Variants in TMCC1 observed in about 807,000 individuals in gnomAD.
The protein encoded by TMCC1 is transmembrane and coiled-coil domain family 1.
In TMCC1, 15 loss-of-function variants were observed where a neutral mutation model predicts 52.4. The ratio of observed to expected loss-of-function variants is 0.29; its 90% CI spans 0.19 to 0.44. The LOEUF is 0.44. Among genes scored for constraint, TMCC1 ranks in the 20% least tolerant of loss-of-function variants. The probability of loss-of-function intolerance (pLI) is 1.00; values close to 1 mark genes in which losing one functional copy is unlikely to be tolerated. For missense variants in TMCC1, 503 were observed against 806.0 expected, an observed-to-expected ratio of 0.62 and a Z score of 4.55; for synonymous variants, 279 against 301.9, an observed-to-expected ratio of 0.92 and a Z score of 0.79.
At chr3:129,792,147 G>A (rs1024237689) in intron 4 of TMCC1, among the ~76,000 whole-genome samples, 6 of 149,688 alleles carry the variant, frequency 4.0e-5, no homozygotes, top group Non-Finnish European at 8.9e-5. Flanking sequence ...TACTGAAGTC[G>A]GAAACATCTG....
At chr3:129,653,496 T>G (rs1408666722) in intron 6 of TMCC1, among the ~76,000 whole-genome samples, 5 of 152,226 alleles carry the variant, frequency 3.3e-5, no homozygotes, top group African/African-American at 7.2e-5. Flanking sequence ...CAGGCTAGAG[T>G]GCAGCGGCGC....
chr3:129,767,688 A>G (rs975668891), intron 4 of TMCC1, among the ~76,000 whole-genome samples: 5 of 152,152 alleles, frequency 3.3e-5, no homozygotes, highest in Non-Finnish European at 1.5e-5. Flanking sequence ...ACAACCAATA[A>G]TCTACTTTCT....
intron 4 of TMCC1, among the ~76,000 whole-genome samples, chr3:129,756,319 G>T (rs1288262296): frequency 6.6e-6 from 1 of 152,116 alleles, no homozygotes; most frequent in African/African-American, 2.4e-5. Flanking sequence ...ATAGGTAACT[G>T]AACTGTAATT....
chr3:129,879,560 T>G (rs2061371917), intron 2 of TMCC1, among the ~76,000 whole-genome samples: 3 of 152,248 alleles, frequency 2.0e-5, no homozygotes, highest in Admixed American at 2.0e-4. Flanking sequence ...CATGCAAATT[T>G]TCTTATCTGA....
At chr3:129,877,207 A>C (rs1259499047) in intron 2 of TMCC1, among the ~76,000 whole-genome samples, 1 of 152,174 alleles carries the variant, frequency 6.6e-6, no homozygotes, top group Non-Finnish European at 1.5e-5. Flanking sequence ...CGCTCCACTA[A>C]AACTACCCTT....
At chr3:129,658,687 A>G (rs1386453727) in intron 5 of TMCC1, among the ~76,000 whole-genome samples, 1 of 152,234 alleles carries the variant, frequency 6.6e-6, no homozygotes, top group African/African-American at 2.4e-5. Context: ...ACTGAATTCA[A>G]AATGATATTG....
intron 4 of TMCC1, among the ~76,000 whole-genome samples, chr3:129,799,330 A>C (rs2057040921): frequency 6.6e-6 from 1 of 152,206 alleles, no homozygotes; most frequent in South Asian, 2.1e-4. Flanking sequence ...AAGGACGGTA[A>C]GAAGGGAGGA....
At chr3:129,742,188 T>C (rs777835157) in intron 4 of TMCC1, among the ~76,000 whole-genome samples, 1 of 151,980 alleles carries the variant, frequency 6.6e-6, no homozygotes, top group Non-Finnish European at 1.5e-5. Flanking sequence ...GTTTCTCAGA[T>C]ATGACACCAA....
intron 2 of TMCC1, among the ~76,000 whole-genome samples, chr3:129,880,079 C>G (rs1478993173): frequency 1.3e-5 from 2 of 151,820 alleles, no homozygotes; most frequent in Non-Finnish European, 2.9e-5. Flanking sequence ...AAGTCTAATC[C>G]CGTGTCTAAT....
At chr3:129,680,786 A>C (rs537875162) in intron 4 of TMCC1, among the ~76,000 whole-genome samples, 1 of 152,054 alleles carries the variant, frequency 6.6e-6, no homozygotes, top group Non-Finnish European at 1.5e-5. Flanking sequence ...CTGTAATCCG[A>C]GCTACTTGGG....
chr3:129,831,592 T>A (rs2058916536), intron 3 of TMCC1, among the ~76,000 whole-genome samples: 1 of 152,182 alleles, frequency 6.6e-6, no homozygotes, highest in African/African-American at 2.4e-5. Context: ...AGAAACTAGT[T>A]AAGGTTTTGA....
intron 4 of TMCC1, among the ~76,000 whole-genome samples, chr3:129,812,804 A>G (rs917901242): frequency 2.6e-5 from 4 of 152,198 alleles, no homozygotes; most frequent in East Asian, 1.9e-4. Flanking sequence ...GATTGCAACA[A>G]AACCAAAAAT....
chr3:129,732,841 GA>G (rs895860480), intron 4 of TMCC1, among the ~76,000 whole-genome samples: 11 of 152,014 alleles, frequency 7.2e-5, no homozygotes, highest in Admixed American at 7.2e-4. Context: ...ACAGAGGAAA[GA>G]AAAAGGAAAA....
chr3:129,772,094 C>A (rs1288878123), intron 4 of TMCC1, among the ~76,000 whole-genome samples: 1 of 152,066 alleles, frequency 6.6e-6, no homozygotes. Context: ...TGTGGCAGTC[C>A]ACACCTGTAA....
intron 2 of TMCC1, among the ~76,000 whole-genome samples, chr3:129,858,527 C>T (rs1214783683): frequency 1.3e-5 from 2 of 152,090 alleles, no homozygotes; most frequent in African/African-American, 2.4e-5. Flanking sequence ...CATGCCACCA[C>T]GTCCAGCTAA....
At chr3:129,805,374 G>A (rs1014021648) in intron 4 of TMCC1, among the ~76,000 whole-genome samples, 1 of 152,014 alleles carries the variant, frequency 6.6e-6, no homozygotes, top group African/African-American at 2.4e-5. Context: ...TGTTGCCCAG[G>A]CTGTTCTCGA....
chr3:129,811,228 A>G (rs567137992), intron 4 of TMCC1, among the ~76,000 whole-genome samples: 1 of 152,026 alleles, frequency 6.6e-6, no homozygotes, highest in African/African-American at 2.4e-5. Context: ...ATAGATCAGA[A>G]TTAGGATGCT....
At chr3:129,796,735 G>C (rs1330190945) in intron 4 of TMCC1, among the ~76,000 whole-genome samples, 1 of 152,160 alleles carries the variant, frequency 6.6e-6, no homozygotes, top group East Asian at 1.9e-4. Flanking sequence ...TAACTACTTG[G>C]GAGACTGAGG....
intron 4 of TMCC1, among the ~76,000 whole-genome samples, chr3:129,760,270 C>T (rs2053420425): frequency 6.6e-6 from 1 of 152,134 alleles, no homozygotes; most frequent in Non-Finnish European, 1.5e-5. Context: ...AGTGCAGTGG[C>T]ATAATCACAG....
Sources: allele counts gnomAD v4.1 joint callset (sites outside exome capture counted in the v4.1 genomes callset), GRCh38; gene constraint gnomAD v4.1.1; transcripts MANE v1.5; gene names NCBI Gene and HGNC (gene_info 2026-07-23, HGNC 2026-07-21).